Variants in CABLES1 observed in about 807,000 individuals in gnomAD.
CABLES1 encodes CDK5 and ABL1 enzyme substrate 1.
A neutral mutation model predicts 57.8 loss-of-function variants in CABLES1; 36 were observed. The observed-to-expected ratio is 0.62, with a 90% confidence interval of 0.48 to 0.82. The LOEUF (loss-of-function observed/expected upper bound fraction) is 0.82, where lower values mean the gene tolerates loss of function less well. Ranked by LOEUF, CABLES1 falls within the 40% of genes least tolerant of loss-of-function variation. The probability of loss-of-function intolerance (pLI) is 0.00; values close to 1 mark genes in which losing one functional copy is unlikely to be tolerated. For synonymous variants in CABLES1, 374 were observed against 363.0 expected (o/e 1.03, Z -0.35); for missense variants, 767 against 836.6 (o/e 0.92, Z 1.03).
intron 1 of CABLES1, among the ~76,000 whole-genome samples, chr18:23,187,312 C>G (rs2047209748): frequency 2.0e-5 from 3 of 152,232 alleles, no homozygotes; most frequent in Non-Finnish European, 4.4e-5. Context: ...GCTTGGTTCA[C>G]ACACATTGAT....
intron 1 of CABLES1, among the ~76,000 whole-genome samples, chr18:23,161,128 G>C (rs1034320607): frequency 5.9e-5 from 9 of 152,120 alleles, no homozygotes; most frequent in African/African-American, 2.2e-4. Context: ...AGGATCACTT[G>C]AGCCAGGAGT....
At chr18:23,246,678 A>AC (rs2047902424) in intron 7 of CABLES1, among the ~76,000 whole-genome samples, 1 of 151,300 alleles carries the variant, frequency 6.6e-6, no homozygotes, top group Non-Finnish European at 1.5e-5. Context: ...TGCTTGAGCC[A>AC]CCGCACCCGG....
At chr18:23,166,800 C>G (rs2047045969) in intron 1 of CABLES1, among the ~76,000 whole-genome samples, 1 of 152,204 alleles carries the variant, frequency 6.6e-6, no homozygotes, top group Non-Finnish European at 1.5e-5. Context: ...AGCATCCTCC[C>G]TTGTCGTCAG....
At chr18:23,208,438 G>A (rs926714034) in intron 3 of CABLES1, among the ~76,000 whole-genome samples, 1 of 152,248 alleles carries the variant, frequency 6.6e-6, no homozygotes, top group South Asian at 2.1e-4. Context: ...GAGACGGAAA[G>A]GGGTCAAGTC....
chr18:23,181,496 C>CAAAAAAAA lies in CABLES1; in HGVS notation c.846-7318_846-7311dup, dbSNP rs59742943. Among the ~76,000 whole-genome samples, 85 of 35,402 alleles carry CAAAAAAAA rather than the reference C, an allele frequency of 2.4e-3. 9 individuals are homozygous for CAAAAAAAA. Among genetic ancestry groups the CAAAAAAAA allele is most frequent in the African/African-American group, 4.7e-3 (46 of 9,872 alleles). 23.2% of individuals were successfully genotyped at this position (35,402 alleles called of 152,430 possible). A position where few individuals can be genotyped will look rare whatever the true frequency, so the allele number is the denominator to read the frequency against. On this transcript the variant is annotated intron_variant, in intron 1 of 9. Coordinates refer to ENST00000256925, the MANE Select transcript of CABLES1 (RefSeq NM_001100619.3). ...GGGCAACAAGAGCAAAGCTTCGTCTCAAAAAAAAAAAAAAAAAAAAAAAAA... is the reference window on the plus strand; with the variant it reads ...GGGCAACAAGAGCAAAGCTTCGTCTCAAAAAAAAAAAAAAAAAAAAAAAAAAAAAAAAA...
At chr18:23,205,715 A>G (rs1568067127) in intron 3 of CABLES1, among the ~76,000 whole-genome samples, 1 of 152,196 alleles carries the variant, frequency 6.6e-6, no homozygotes, top group Non-Finnish European at 1.5e-5. Flanking sequence ...AATTGAAGCC[A>G]GGTGTCGTGG....
chr18:23,251,212 GGAGGCA>G (rs1406752574), intron 7 of CABLES1, among the ~76,000 whole-genome samples: 1 of 152,192 alleles, frequency 6.6e-6, no homozygotes. Flanking sequence ...CAGCACTTTG[GGAGGCA>G]GAGGCAGGTG....
intron 3 of CABLES1, among the ~76,000 whole-genome samples, chr18:23,212,508 G>T (rs2047412223): frequency 6.6e-6 from 1 of 152,148 alleles, no homozygotes; most frequent in South Asian, 2.1e-4. Context: ...CACCAAAAGT[G>T]CCAAAAGCCG....
chr18:23,251,398 C>T (rs548239009), intron 7 of CABLES1, among the ~76,000 whole-genome samples: 1 of 152,112 alleles, frequency 6.6e-6, no homozygotes, highest in South Asian at 2.1e-4. Context: ...TTGCAGTGAG[C>T]CGAGATTGCG....
chr18:23,241,348 T>A (rs758513140), intron 7 of CABLES1, among the ~76,000 whole-genome samples: 1 of 151,964 alleles, frequency 6.6e-6, no homozygotes, highest in African/African-American at 2.4e-5. Context: ...CTGGCTAACG[T>A]GATGAAACTC....
At chr18:23,154,421 A>G (rs1384909462) in intron 1 of CABLES1, among the ~76,000 whole-genome samples, 1 of 152,208 alleles carries the variant, frequency 6.6e-6, no homozygotes, top group Non-Finnish European at 1.5e-5. Flanking sequence ...ACCGAGCCAT[A>G]GGGAAATTGC....
chr18:23,236,066 G>A lies in CABLES1; in HGVS notation c.1342+15G>A. The A allele has an allele frequency of 6.2e-7, 1 of 1,613,036 alleles. No individual in the cohort carries two copies. Among genetic ancestry groups the A allele is most frequent in the Non-Finnish European group, 8.5e-7 (1 of 1,179,678 alleles). ...CCTCGACACAGGTAACCTTGGCCTG[G>A]CTGGGTCTGGTAGCTCGTGGTGGGA... is the stretch of plus-strand genomic sequence containing the variant. On this transcript the variant is annotated intron_variant, in intron 6 of 9. Coordinates refer to ENST00000256925, the MANE Select transcript of CABLES1 (RefSeq NM_001100619.3).
At chr18:23,228,822 G>A (rs903436370) in intron 4 of CABLES1, among the ~76,000 whole-genome samples, 2 of 151,772 alleles carry the variant, frequency 1.3e-5, no homozygotes, top group East Asian at 3.9e-4. Context: ...CTCTGCAGAA[G>A]TTCACAAACT....
At position 23,140,332 on chromosome 18, in the gene CABLES1, G is replaced by A. The variant is rs1042045599; in HGVS notation, c.845+3725G>A. 3.3e-5 allele frequency among the ~76,000 whole-genome samples: 5 copies of A among 152,280 alleles called. No homozygotes were observed. The East Asian group carries it at 7.7e-4, about 24-fold the overall frequency. On this transcript the variant is annotated intron_variant, in intron 1 of 9. Coordinates refer to ENST00000256925, the MANE Select transcript of CABLES1 (RefSeq NM_001100619.3). ...CTACTTCCCGGAGATTCTGGCTAGC[G>A]GACAGCTCCCCAGGAGGACATGAAG...
At chr18:23,243,347 C>A (rs2047783563) in intron 7 of CABLES1, among the ~76,000 whole-genome samples, 2 of 152,038 alleles carry the variant, frequency 1.3e-5, no homozygotes, top group South Asian at 4.1e-4. Flanking sequence ...CTCAGGCGCA[C>A]AGGCCTGGGC....
intron 1 of CABLES1, among the ~76,000 whole-genome samples, chr18:23,165,623 T>C (rs2047036989): frequency 6.6e-6 from 1 of 152,190 alleles, no homozygotes; most frequent in Non-Finnish European, 1.5e-5. Flanking sequence ...ACAGAGTTTG[T>C]CCTTTTGTAA....
chr18:23,251,823 C>T (rs1021292327), intron 7 of CABLES1, among the ~76,000 whole-genome samples: 5 of 152,162 alleles, frequency 3.3e-5, no homozygotes, highest in Middle Eastern at 6.8e-3. Flanking sequence ...CGGTGGCTCA[C>T]GCCTGTAATC....
At chr18:23,140,744 A>G (rs1171794795) in intron 1 of CABLES1, among the ~76,000 whole-genome samples, 3 of 152,042 alleles carry the variant, frequency 2.0e-5, no homozygotes, top group African/African-American at 7.2e-5. Flanking sequence ...CACCCAGGGT[A>G]CTATTAAAAA....
At chr18:23,237,105 G>C (rs766926220) in intron 6 of CABLES1, 37 bp from the exon 7 acceptor site, 4 of 1,237,104 alleles carry the variant, frequency 3.2e-6, no homozygotes, top group African/African-American at 1.5e-5. Context: ...GTCCGGAGCC[G>C]CTAATTATCA....
Sources: allele counts gnomAD v4.1 joint callset (sites outside exome capture counted in the v4.1 genomes callset), GRCh38; gene constraint gnomAD v4.1.1; transcripts MANE v1.5; gene names NCBI Gene and HGNC (gene_info 2026-07-23, HGNC 2026-07-21).